The following THADA variants were observed in gnomAD, a reference collection of about 807,000 sequenced individuals.
THADA encodes the protein tRNA (32-2'-O)-methyltransferase regulator THADA.
A neutral mutation model predicts 219.8 loss-of-function variants in THADA; 213 were observed. The ratio of observed to expected loss-of-function variants is 0.97; its 90% confidence interval spans 0.87 to 1.09. The LOEUF (loss-of-function observed/expected upper bound fraction) is 1.09. Ranked by LOEUF, THADA falls within the 50% of genes least tolerant of loss-of-function variation. The probability of loss-of-function intolerance (pLI) is 0.00; values close to 1 mark genes in which losing one functional copy is unlikely to be tolerated. For synonymous variants in THADA, 1,018 were observed against 828.9 expected (o/e 1.23, Z -3.92); for missense variants, 2,956 against 2,311.3 (o/e 1.28, Z -5.72).
At chr2:43,381,693 G>C (rs1363088145) in intron 29 of THADA, among the ~76,000 whole-genome samples, 2 of 151,208 alleles carry the variant, frequency 1.3e-5, no homozygotes, top group African/African-American at 4.9e-5. Flanking sequence ...CGATTCTTCT[G>C]TCAGCCTCCT....
chr2:43,497,774 A>T (rs938632412), intron 25 of THADA, among the ~76,000 whole-genome samples: 1 of 152,070 alleles, frequency 6.6e-6, no homozygotes, highest in East Asian at 1.9e-4. Flanking sequence ...AGTCCCAGCT[A>T]CTCGGGAGGC....
chr2:43,582,145 T>C lies in THADA; in HGVS notation c.534-217A>G, dbSNP rs576613094. ...TTAACTTAATCTACATGTCCCTCTT[T>C]CTCAGCCAATAACTAACTTCACTTC... On this transcript the variant is annotated intron_variant, in intron 7 of 37. Coordinates refer to ENST00000405975, the MANE Select transcript of THADA (RefSeq NM_022065.5). 9.3e-4 allele frequency among the ~76,000 whole-genome samples: 141 copies of C among 152,284 alleles called. 1 individual carries two copies. Among genetic ancestry groups the C allele is most frequent in the African/African-American group, 3.3e-3 (137 of 41,556 alleles).
chr2:43,481,505 T>C (rs1049908263), intron 26 of THADA, among the ~76,000 whole-genome samples: 6 of 152,194 alleles, frequency 3.9e-5, no homozygotes, highest in Non-Finnish European at 7.3e-5. Context: ...CATTTCCCAA[T>C]GCCTTGTAAA....
chr2:43,529,800 A>G (rs1241463021), intron 21 of THADA, among the ~76,000 whole-genome samples: 1 of 152,226 alleles, frequency 6.6e-6, no homozygotes, highest in Admixed American at 6.5e-5. Context: ...CTAGATTAGT[A>G]TTCTGCACAC....
At chr2:43,455,345 A>C (rs1241208514) in intron 26 of THADA, among the ~76,000 whole-genome samples, 1 of 152,042 alleles carries the variant, frequency 6.6e-6, no homozygotes, top group South Asian at 2.1e-4. Context: ...CCTATATTAC[A>C]GTATACCTGC....
chr2:43,433,741 G>C (rs567892290), intron 26 of THADA, among the ~76,000 whole-genome samples: 1 of 152,234 alleles, frequency 6.6e-6, no homozygotes, highest in African/African-American at 2.4e-5. Context: ...AGGCTGGAGT[G>C]CAGTGGTGCA....
chr2:43,432,872 T>G (rs1044377779), intron 26 of THADA, among the ~76,000 whole-genome samples: 2 of 152,252 alleles, frequency 1.3e-5, no homozygotes, highest in South Asian at 4.1e-4. Context: ...AGGTTGCTTT[T>G]CCTTGGTCAT....
intron 23 of THADA, among the ~76,000 whole-genome samples, chr2:43,506,221 G>A (rs1236169065): frequency 6.6e-6 from 1 of 152,112 alleles, no homozygotes; most frequent in African/African-American, 2.4e-5. Flanking sequence ...ATCATTACTT[G>A]GAGGACTAAT....
At chr2:43,520,713 T>TATATATATACACACACACAC (rs1218079783) in intron 22 of THADA, among the ~76,000 whole-genome samples, 13 of 125,042 alleles carry the variant, frequency 1.0e-4, no homozygotes, top group African/African-American at 3.9e-4. Context: ...TATATATATA[T>TATATATATACACACACACAC]ACACACACAC....
At chr2:43,493,560 G>C (rs1687914065) in intron 25 of THADA, among the ~76,000 whole-genome samples, 2 of 152,062 alleles carry the variant, frequency 1.3e-5, no homozygotes, top group South Asian at 2.1e-4. Flanking sequence ...GAGTTTTTTG[G>C]GCGGGCTCCA....
chr2:43,423,606 G>C (rs1413030540), intron 28 of THADA, among the ~76,000 whole-genome samples: 1 of 152,056 alleles, frequency 6.6e-6, no homozygotes, highest in Non-Finnish European at 1.5e-5. Flanking sequence ...CTAATTTTTT[G>C]TATTTTTGGT....
intron 20 of THADA, 82 bp from the exon 21 acceptor site, chr2:43,541,398 C>T: frequency 6.5e-7 from 1 of 1,526,916 alleles, no homozygotes; most frequent in Non-Finnish European, 9.0e-7. Flanking sequence ...TCATAATTTC[C>T]CCAAGAATAA....
At position 43,485,256 on chromosome 2, in the gene THADA, C is replaced by G; in HGVS notation, c.3814G>C (p.Asp1272His). Residue 1272 changes from aspartate to histidine, a missense_variant, in exon 26 of 38, where the codon GAT becomes CAT. Coordinates refer to ENST00000405975, the MANE Select transcript of THADA (RefSeq NM_022065.5). ...TACCTATTTGTTTTGGAATGTTCAT[C>G]CTTTGCCCTTTTAACTCCAAAAATT... is the stretch of plus-strand genomic sequence containing the variant. The part of the protein sequence containing the change: ...TRIFGVKRAK[D>H]EHSKTNRMTG... 1 of 1,612,704 alleles carries G rather than the reference C, an allele frequency of 6.2e-7. No homozygotes were observed. The highest frequency in any genetic ancestry group is 8.5e-7 in the Non-Finnish European group (1 of 1,179,100).
At chr2:43,472,311 G>A (rs887941808) in intron 26 of THADA, among the ~76,000 whole-genome samples, 1 of 152,170 alleles carries the variant, frequency 6.6e-6, no homozygotes, top group Non-Finnish European at 1.5e-5. Context: ...ATTGAAATAC[G>A]TTTTTCCAAA....
intron 29 of THADA, 71 bp from the exon 30 acceptor site, chr2:43,344,308 T>C: frequency 9.3e-7 from 1 of 1,075,092 alleles, no homozygotes; most frequent in Non-Finnish European, 1.3e-6. Context: ...TCCTCCCTTT[T>C]AAGTTTCCTT....
chr2:43,505,797 T>A, intron 23 of THADA, 62 bp from the exon 24 acceptor site: 1 of 1,193,442 alleles, frequency 8.4e-7, no homozygotes, highest in Non-Finnish European at 1.2e-6. Context: ...GTTTGCTGCT[T>A]CCCTGGATCA....
intron 29 of THADA, among the ~76,000 whole-genome samples, chr2:43,397,033 G>A (rs1472837614): frequency 6.6e-6 from 1 of 152,124 alleles, no homozygotes; most frequent in Non-Finnish European, 1.5e-5. Context: ...AAGTCCCTAT[G>A]AGGTATATGC....
chr2:43,523,980 G>A (rs1043617073), intron 22 of THADA, among the ~76,000 whole-genome samples: 4 of 152,084 alleles, frequency 2.6e-5, no homozygotes, highest in African/African-American at 7.2e-5. Context: ...TCAGAAGAAC[G>A]ACTTCAAATA....
Position 43,279,882 on chromosome 2 carries a change from G to A in THADA, c.5179C>T (p.Leu1727Phe), listed in dbSNP as rs768871800. Reference sequence around the variant, plus strand: ...GTAAGGACACACTTCCAGAGAGCAAGTGTATCCTGCAACTCTAAGAAGACC... The same window carrying A: ...GTAAGGACACACTTCCAGAGAGCAAATGTATCCTGCAACTCTAAGAAGACC... ...PHPILELQDT[L>F]ALWKCVLTLL... Residue 1727 changes from leucine to phenylalanine, a missense_variant, in exon 36 of 38, where the codon CTT becomes TTT. Leu to Phe is a conservative substitution (Grantham distance 22). Coordinates refer to ENST00000405975, the MANE Select transcript of THADA (RefSeq NM_022065.5). 3.9e-6 allele frequency: 6 copies of A among 1,544,642 alleles called. No homozygotes were observed. Among genetic ancestry groups the A allele is most frequent in the Middle Eastern group, 1.7e-4 (1 of 5,928 alleles).
Sources: allele counts gnomAD v4.1 joint callset (sites outside exome capture counted in the v4.1 genomes callset), GRCh38; gene constraint gnomAD v4.1.1; transcripts MANE v1.5; gene names NCBI Gene and HGNC (gene_info 2026-07-23, HGNC 2026-07-21).